Variants in MED27 observed in about 807,000 individuals in gnomAD.
MED27 encodes mediator complex subunit 27, also known as mediator of RNA polymerase II transcription subunit 27.
Under a neutral mutation model 38.2 loss-of-function variants are expected in MED27, and 30 were observed. That is an observed-to-expected ratio of 0.79 (90% CI 0.59 to 1.07). MED27 has a LOEUF of 1.07. Among genes scored for constraint, MED27 ranks in the 50% least tolerant of loss-of-function variants. The pLI is 0.00. For synonymous variants in MED27, 122 were observed against 153.5 expected (o/e 0.79, Z 1.52); for missense variants, 289 against 397.5 (o/e 0.73, Z 2.32).
chr9:131,894,912 A>T (rs1829800356), intron 4 of MED27, among the ~76,000 whole-genome samples: 1 of 152,094 alleles, frequency 6.6e-6, no homozygotes, highest in South Asian at 2.1e-4. Flanking sequence ...CTCTGGCAAG[A>T]CTGGATCAGC....
intron 4 of MED27, among the ~76,000 whole-genome samples, chr9:131,931,935 C>G (rs935171134): frequency 9.2e-5 from 14 of 152,152 alleles, no homozygotes; most frequent in African/African-American, 2.9e-4. Flanking sequence ...TCGGACAGAT[C>G]TTCCAGACAG....
At chr9:131,973,521 G>A (rs112358765) in intron 3 of MED27, among the ~76,000 whole-genome samples, 4,022 of 142,772 alleles carry the variant, frequency 0.028, 195 homozygotes, top group African/African-American at 0.1. Context: ...GCAGTAGCGC[G>A]ATCTCGGCTC....
intron 2 of MED27, among the ~76,000 whole-genome samples, chr9:132,043,804 C>T (rs1833274125): frequency 6.6e-6 from 1 of 152,114 alleles, no homozygotes; most frequent in African/African-American, 2.4e-5. Context: ...AAAAATGCCA[C>T]ACCAAGCAAT....
intron 3 of MED27, among the ~76,000 whole-genome samples, chr9:132,007,231 GGCAAGTCATCCAAGAATC>G (rs1407942977): frequency 6.6e-6 from 1 of 152,154 alleles, no homozygotes; most frequent in East Asian, 1.9e-4. Flanking sequence ...AAACCTGAGA[GGCAAGTCATCCAAGAATC>G]GAAACGCAAA....
At chr9:132,027,286 T>C (rs9411429) in intron 2 of MED27, among the ~76,000 whole-genome samples, 2,100 of 152,306 alleles carry the variant, frequency 0.014, 25 homozygotes, top group Non-Finnish European at 0.02. Flanking sequence ...AGGAGCCGTG[T>C]CCACAACCAG....
intron 3 of MED27, among the ~76,000 whole-genome samples, chr9:132,010,076 T>A (rs985285960): frequency 6.6e-6 from 1 of 152,230 alleles, no homozygotes; most frequent in Non-Finnish European, 1.5e-5. Flanking sequence ...TTTAATTAGA[T>A]CCCATTTGTC....
intron 2 of MED27, among the ~76,000 whole-genome samples, chr9:132,058,530 C>T (rs1050214586): frequency 2.0e-5 from 3 of 152,190 alleles, no homozygotes; most frequent in Non-Finnish European, 2.9e-5. Context: ...TCTCTCCTGC[C>T]GCCATGTGAA....
chr9:131,910,988 G>A (rs915931172), intron 4 of MED27, among the ~76,000 whole-genome samples: 20 of 151,402 alleles, frequency 1.3e-4, no homozygotes, highest in Non-Finnish European at 2.9e-5. Context: ...TTTTAATGAT[G>A]CCTGTTTGTA....
intron 3 of MED27, among the ~76,000 whole-genome samples, chr9:131,977,689 T>C (rs1472998188): frequency 1.3e-5 from 2 of 152,168 alleles, no homozygotes; most frequent in Admixed American, 1.3e-4. Context: ...CTTAGGTCAT[T>C]GCAAAAATGA....
In MED27 at chr9:131,872,378, G is replaced by C. The variant is rs1020198195; in HGVS notation, c.724-9238C>G. On this transcript the variant is annotated intron_variant, in intron 6 of 7. Transcript: ENST00000292035. The surrounding 1 kb of genome is among the most constrained non-coding windows in gnomAD (Gnocchi z 5.6). ...AGAGCGGGCGCCTCTACTATTCGGA[G>C]TATTTCCTCACAAGATTAGTAAACA... Among the ~76,000 whole-genome samples the C allele has an allele frequency of 2.0e-5, 3 of 152,228 alleles. No homozygotes were observed. Among genetic ancestry groups the C allele is most frequent in the Admixed American group, 6.5e-5 (1 of 15,284 alleles).
chr9:131,945,889 G>A (rs1445857854), intron 3 of MED27, among the ~76,000 whole-genome samples: 1 of 150,002 alleles, frequency 6.7e-6, no homozygotes, highest in Non-Finnish European at 1.5e-5. Context: ...GATTGCTTGA[G>A]CCCAGGAGTT....
chr9:131,929,069 A>G lies in MED27; in HGVS notation c.573+10312T>C, dbSNP rs534977487. ...ATAGGGCACCAGGCAGTCGTGAGGC[A>G]CCCATTCTAGGCCCTAGCTCCCAAA... On this transcript the variant is annotated intron_variant, in intron 4 of 7. Transcript: ENST00000292035. Among the ~76,000 whole-genome samples, 3 of 152,312 alleles carry G rather than the reference A, an allele frequency of 2.0e-5. No homozygotes were observed. In the South Asian group the frequency reaches 6.2e-4, roughly 32 times the overall value.
At chr9:132,032,963 T>C (rs929985539) in intron 2 of MED27, among the ~76,000 whole-genome samples, 2 of 152,234 alleles carry the variant, frequency 1.3e-5, no homozygotes, top group Admixed American at 1.3e-4. Flanking sequence ...ATTTAATAGG[T>C]GTCTACAACA....
intron 4 of MED27, among the ~76,000 whole-genome samples, chr9:131,932,251 T>C (rs570397428): frequency 6.3e-4 from 95 of 150,700 alleles, no homozygotes; most frequent in Non-Finnish European, 1.3e-3. Context: ...CACACGGAAA[T>C]TAAACAATAT....
chr9:132,014,231 AG>A, intron 3 of MED27, 105 bp downstream of exon 3: 1 of 1,249,858 alleles, frequency 8.0e-7, no homozygotes, highest in Non-Finnish European at 1.1e-6. Context: ...AAAGGAAGGG[AG>A]GGAGGGAATT....
intron 4 of MED27, among the ~76,000 whole-genome samples, chr9:131,927,041 T>C (rs1033611531): frequency 5.3e-5 from 8 of 152,228 alleles, no homozygotes; most frequent in Admixed American, 2.6e-4. Context: ...TTAAAATATT[T>C]TGACTGTTTG....
intron 4 of MED27, among the ~76,000 whole-genome samples, chr9:131,907,428 C>T (rs867000374): frequency 4.6e-5 from 7 of 152,178 alleles, no homozygotes; most frequent in East Asian, 1.9e-4. Flanking sequence ...CCGTGTTGGC[C>T]GGGCTGGTCT....
intron 2 of MED27, among the ~76,000 whole-genome samples, chr9:132,065,455 A>AG (rs1833789218): frequency 6.6e-6 from 1 of 152,252 alleles, no homozygotes; most frequent in African/African-American, 2.4e-5. Flanking sequence ...AAAAAGGTGC[A>AG]GGGGTGGTGC....
At chr9:131,973,676 T>C (rs1382957786) in intron 3 of MED27, among the ~76,000 whole-genome samples, 1 of 151,956 alleles carries the variant, frequency 6.6e-6, no homozygotes, top group Non-Finnish European at 1.5e-5. Flanking sequence ...TTTACAAAGA[T>C]GACATCCTTG....
Sources: gnomAD v4.1 joint callset for allele counts (sites outside exome capture counted in the v4.1 genomes callset) on GRCh38, gnomAD v4.1.1 for gene constraint, Gnocchi (gnomAD v3.1) non-coding constraint, MANE v1.5 for transcripts, NCBI Gene and HGNC (gene_info 2026-07-23, HGNC 2026-07-21) for gene names.